DCC: variants seen among roughly 807,000 people sequenced by gnomAD.
DCC encodes the protein netrin receptor DCC.
Under a neutral mutation model 172.5 loss-of-function variants are expected in DCC, and 58 were observed. The ratio of observed to expected loss-of-function variants is 0.34; its 90% CI spans 0.27 to 0.42. The LOEUF (loss-of-function observed/expected upper bound fraction) is 0.42, where lower values mean the gene tolerates loss of function less well. Ranked by LOEUF, DCC falls within the 10% of genes least tolerant of loss-of-function variation. DCC has a pLI of 1.00. For synonymous variants in DCC, 709 were observed against 644.5 expected (o/e 1.10, Z -1.52); for missense variants, 1,740 against 1,791.0 (o/e 0.97, Z 0.51).
At chr18:53,382,309 T>C (rs550286312) in intron 15 of DCC, among the ~76,000 whole-genome samples, 3 of 152,246 alleles carry the variant, frequency 2.0e-5, no homozygotes, top group African/African-American at 7.2e-5. Flanking sequence ...AAATCAGACG[T>C]AGTCCATCCT....
intron 21 of DCC, among the ~76,000 whole-genome samples, chr18:53,418,819 A>G (rs558562800): frequency 1.3e-5 from 2 of 152,312 alleles, no homozygotes; most frequent in South Asian, 2.1e-4. Context: ...CTTCTGAGCA[A>G]TGGTATAGTA....
intron 21 of DCC, among the ~76,000 whole-genome samples, chr18:53,428,412 T>TATATA (rs1167084383): frequency 1.8e-5 from 1 of 55,040 alleles, no homozygotes; most frequent in African/African-American, 5.7e-5. Context: ...ATATATTACA[T>TATATA]ATATAATATA....
chr18:53,134,252 A>C (rs2144328765), intron 7 of DCC, among the ~76,000 whole-genome samples: 1 of 152,302 alleles, frequency 6.6e-6, no homozygotes, highest in South Asian at 2.1e-4. Context: ...ATCCTGATAA[A>C]GCAGGACATG....
chr18:53,179,349 A>G (rs1426188198), intron 9 of DCC, among the ~76,000 whole-genome samples: 3 of 152,188 alleles, frequency 2.0e-5, no homozygotes, highest in Non-Finnish European at 4.4e-5. Context: ...GGCCTAATCT[A>G]TCTATGCAGT....
intron 2 of DCC, among the ~76,000 whole-genome samples, chr18:52,814,723 CAAA>C (rs1322019918): frequency 6.6e-6 from 1 of 152,072 alleles, no homozygotes; most frequent in African/African-American, 2.4e-5. Flanking sequence ...TATAGAATAT[CAAA>C]AAGCCTTTCT....
intron 1 of DCC, among the ~76,000 whole-genome samples, chr18:52,678,403 C>T (rs1011668339): frequency 6.6e-6 from 1 of 152,042 alleles, no homozygotes; most frequent in East Asian, 1.9e-4. Context: ...TATATGCGTT[C>T]ATTCATTTTG....
At position 53,192,329 on chromosome 18, in the gene DCC, A is replaced by G. The variant is rs183180540; in HGVS notation, c.1574-12887A>G. ...TTTATTGTTGCTGCTATTGGGAAAG[A>G]TATTTTATCTTGGGCTCATTTTTTC... On this transcript the variant is annotated intron_variant, in intron 9 of 28. Coordinates refer to ENST00000442544, the MANE Select transcript of DCC (RefSeq NM_005215.4). Among the ~76,000 whole-genome samples, 3 of 152,306 alleles carry G rather than the reference A, an allele frequency of 2.0e-5. No individual in the cohort carries two copies. The East Asian group carries it at 5.8e-4, about 29-fold the overall frequency.
intron 2 of DCC, among the ~76,000 whole-genome samples, chr18:52,799,688 A>G (rs879662248): frequency 2.6e-5 from 4 of 152,118 alleles, no homozygotes; most frequent in Non-Finnish European, 5.9e-5. Context: ...CTCGGTGTCC[A>G]AGTGCTAGGT....
At chr18:52,896,127 A>AGGT (rs1375406645) in intron 2 of DCC, among the ~76,000 whole-genome samples, 5 of 152,230 alleles carry the variant, frequency 3.3e-5, no homozygotes, top group African/African-American at 1.2e-4. Flanking sequence ...CACTTTACTG[A>AGGT]GGTGGTGTAT....
chr18:53,365,996 AG>A (rs991645951), intron 15 of DCC, among the ~76,000 whole-genome samples: 2 of 152,172 alleles, frequency 1.3e-5, no homozygotes, highest in African/African-American at 4.8e-5. Flanking sequence ...AACTTCAAGT[AG>A]ATTTGGGTTG....
chr18:52,591,557 G>T (rs534236663), intron 1 of DCC, among the ~76,000 whole-genome samples: 54 of 151,870 alleles, frequency 3.6e-4, no homozygotes, highest in Non-Finnish European at 5.4e-4. Flanking sequence ...AAATGCAATG[G>T]CTTGGTCAAA....
chr18:53,465,372 G>C (rs1009477157), intron 24 of DCC, among the ~76,000 whole-genome samples: 1 of 151,730 alleles, frequency 6.6e-6, no homozygotes, highest in African/African-American at 2.4e-5. Flanking sequence ...AATTCTGTTT[G>C]GTAGTTCTCT....
chr18:53,522,262 G>A (rs2046406921), intron 27 of DCC, among the ~76,000 whole-genome samples: 1 of 151,374 alleles, frequency 6.6e-6, no homozygotes, highest in African/African-American at 2.4e-5. Context: ...GGAACACCGT[G>A]GTTATAGTCA....
In DCC at chr18:53,317,192, T is replaced by C. The variant is rs112471836; in HGVS notation, c.2054-4855T>C. Among the ~76,000 whole-genome samples the C allele has an allele frequency of 5.6e-3, 849 of 152,362 alleles. 7 individuals are homozygous for C. The highest frequency in any genetic ancestry group is 0.019 in the African/African-American group (807 of 41,590). On this transcript the variant is annotated intron_variant, in intron 13 of 28. Transcript: ENST00000442544. Reference sequence around the variant, plus strand: ...TTATCAAAGGCCTTTTCTGCATCTATGGAGGTAATCATGTAGGTTTTGTCT... The same window carrying C: ...TTATCAAAGGCCTTTTCTGCATCTACGGAGGTAATCATGTAGGTTTTGTCT...
chr18:52,672,933 G>A (rs2035579634), intron 1 of DCC, among the ~76,000 whole-genome samples: 1 of 152,122 alleles, frequency 6.6e-6, no homozygotes, highest in African/African-American at 2.4e-5. Context: ...ATATGGTGAT[G>A]GTCACCTTAG....
At chr18:52,478,690 G>C (rs1244372079) in intron 1 of DCC, among the ~76,000 whole-genome samples, 1 of 152,314 alleles carries the variant, frequency 6.6e-6, no homozygotes, top group African/African-American at 2.4e-5. Flanking sequence ...ACATAACATA[G>C]CCACAGCAGG....
intron 1 of DCC, among the ~76,000 whole-genome samples, chr18:52,469,219 G>A (rs1032329006): frequency 6.6e-6 from 1 of 152,026 alleles, no homozygotes; most frequent in African/African-American, 2.4e-5. Context: ...CAGCATGCAT[G>A]GCTAATTTTT....
In DCC at chr18:53,428,725, A is replaced by G. The variant is rs1462504187; in HGVS notation, c.3164-6419A>G. Among the ~76,000 whole-genome samples the G allele has an allele frequency of 3.8e-4, 16 of 41,580 alleles. 4 individuals are homozygous for G. Among genetic ancestry groups the G allele is most frequent in the Non-Finnish European group, 1.1e-4 (2 of 18,496 alleles). 27.3% of individuals were successfully genotyped at this position (41,580 alleles called of 152,430 possible). A position where few individuals can be genotyped will look rare whatever the true frequency, so the allele number is the denominator to read the frequency against. ...TTTTATATATTATATATATTTATAT[A>G]TATTATATTATATACTATATATTTT... On this transcript the variant is annotated intron_variant, in intron 21 of 28. Transcript: ENST00000442544.
chr18:53,028,372 C>T (rs898764140), intron 5 of DCC, among the ~76,000 whole-genome samples: 1 of 152,038 alleles, frequency 6.6e-6, no homozygotes, highest in Non-Finnish European at 1.5e-5. Flanking sequence ...ATTAATGAAG[C>T]CCCTGTCCCC....
Sources: gnomAD v4.1 joint callset for allele counts (sites outside exome capture counted in the v4.1 genomes callset) on GRCh38, gnomAD v4.1.1 for gene constraint, MANE v1.5 for transcripts, NCBI Gene and HGNC (gene_info 2026-07-23, HGNC 2026-07-21) for gene names.